SLC47A2: variants seen among roughly 807,000 people sequenced by gnomAD.
The protein encoded by SLC47A2 is solute carrier family 47 member 2, also known as multidrug and toxin extrusion protein 2.
In SLC47A2, 52 loss-of-function variants were observed where a neutral mutation model predicts 67.7. The observed-to-expected ratio is 0.77, with a 90% CI of 0.61 to 0.97. The LOEUF is 0.97. Ranked by LOEUF, SLC47A2 falls within the 50% of genes least tolerant of loss-of-function variation. The pLI is 0.00. For synonymous variants in SLC47A2, 278 were observed against 292.9 expected (o/e 0.95, Z 0.52); for missense variants, 676 against 712.3 (o/e 0.95, Z 0.58).
At chr17:19,716,096 G>A (rs1333561031) in intron 1 of SLC47A2, 2 of 261,158 alleles carry the variant, frequency 7.7e-6, no homozygotes, top group Non-Finnish European at 1.4e-5. Context: ...TCTTCCCCCT[G>A]CGAAGGTGCT....
At chr17:19,689,121 G>T (rs766525743) in intron 13 of SLC47A2, among the ~76,000 whole-genome samples, 1 of 149,152 alleles carries the variant, frequency 6.7e-6, no homozygotes, top group Non-Finnish European at 1.5e-5. Flanking sequence ...TGCCCAGGCT[G>T]GTCTCAAACT....
At position 19,699,546 on chromosome 17, in the gene SLC47A2, C is replaced by T. The variant is rs183543279; in HGVS notation, c.1164+3059G>A. On this transcript the variant is annotated intron_variant, in intron 13 of 16. Coordinates refer to ENST00000433844, the MANE Select transcript of SLC47A2 (RefSeq NM_001099646.3). ...TAGGTGTGTGCCAACCCCGCCTCCC[C>T]GCCGACCCCCTCCCCCAGCTAATTT... 5.1e-3 allele frequency among the ~76,000 whole-genome samples: 767 copies of T among 151,638 alleles called. 8 individuals are homozygous for T. The highest frequency in any genetic ancestry group is 0.018 in the African/African-American group (724 of 41,332).
At chr17:19,681,076 G>C (rs960524336) in intron 15 of SLC47A2, among the ~76,000 whole-genome samples, 6 of 152,182 alleles carry the variant, frequency 3.9e-5, no homozygotes, top group African/African-American at 1.4e-4. Flanking sequence ...AGCTGGGCGT[G>C]GTGGCGGGTG....
chr17:19,681,886 A>G (rs1172266999), intron 13 of SLC47A2, among the ~76,000 whole-genome samples: 1 of 152,076 alleles, frequency 6.6e-6, no homozygotes, highest in Non-Finnish European at 1.5e-5. Context: ...CTGTGTTTTG[A>G]ACACAACCCT....
chr17:19,704,063 C>T lies in SLC47A2; in HGVS notation c.1018+7G>A, dbSNP rs373506226. 6.2e-6 allele frequency: 10 copies of T among 1,600,564 alleles called. No homozygotes were observed. In the South Asian group the frequency reaches 1.1e-4, roughly 18 times the overall value. On this transcript the variant is annotated splice_region_variant and intron_variant, in intron 11 of 16. Coordinates refer to ENST00000433844, the MANE Select transcript of SLC47A2 (RefSeq NM_001099646.3). Reference sequence around the variant, plus strand: ...TTGAAGGCCCACCAGGAGAGGACTCCACCTACCTATGCTGAGCACGCCCGA... The same window carrying T: ...TTGAAGGCCCACCAGGAGAGGACTCTACCTACCTATGCTGAGCACGCCCGA...
rs745361123 is a variant in SLC47A2, at chr17:19,681,386, C to G, written c.1373G>C (p.Trp458Ser). ...ACTTACCTCCTCTGCAGCAAGCTTC[C>G]AGTCCAGCCGGGCAGTATAAGCAAC... Reference protein sequence around the residue: ...AFVAYTARLDWKLAAEEAKKH... With the variant: ...AFVAYTARLDSKLAAEEAKKH... Residue 458 changes from tryptophan (W) to serine (S), a missense_variant, in exon 15 of 17, where the codon TGG (tryptophan) becomes TCG (serine). Trp to Ser is a radical substitution (Grantham distance 177, BLOSUM62 -3). Coordinates refer to ENST00000433844, the MANE Select transcript of SLC47A2 (RefSeq NM_001099646.3). 6.2e-7 allele frequency: 1 copy of G among 1,610,220 alleles called. No homozygotes were observed. The highest frequency in any genetic ancestry group is 1.3e-5 in the African/African-American group (1 of 74,800).
chr17:19,710,620 T>C (rs1052437236), intron 5 of SLC47A2, among the ~76,000 whole-genome samples: 6 of 151,758 alleles, frequency 4.0e-5, no homozygotes, highest in African/African-American at 1.5e-4. Flanking sequence ...GCCCAGCTAA[T>C]TTTTGTATTT....
intron 13 of SLC47A2, among the ~76,000 whole-genome samples, chr17:19,694,060 A>G (rs80256521): frequency 1.3e-5 from 2 of 152,198 alleles, no homozygotes; most frequent in African/African-American, 4.8e-5. Flanking sequence ...TCTTTGGGAT[A>G]AATTTAACAA....
intron 2 of SLC47A2, 84 bp from the exon 3 acceptor site, chr17:19,714,873 G>A: frequency 6.3e-7 from 1 of 1,579,542 alleles, no homozygotes. Context: ...GCCAGGGTCA[G>A]GAAATGCTGC....
chr17:19,693,969 A>G (rs960461672), intron 13 of SLC47A2, among the ~76,000 whole-genome samples: 3 of 152,230 alleles, frequency 2.0e-5, no homozygotes, highest in African/African-American at 7.2e-5. Context: ...CAAAAAATCA[A>G]TTGATTTTTT....
intron 5 of SLC47A2, among the ~76,000 whole-genome samples, chr17:19,709,381 A>G (rs989422282): frequency 6.6e-6 from 1 of 152,166 alleles, no homozygotes; most frequent in African/African-American, 2.4e-5. Context: ...ATAGGCATCA[A>G]CTGAAACCTA....
intron 15 of SLC47A2, 29 bp from the exon 16 acceptor site, chr17:19,680,068 A>C (rs2085280582): frequency 6.2e-7 from 1 of 1,607,492 alleles, no homozygotes; most frequent in Non-Finnish European, 8.5e-7. Context: ...AATTGGGTCA[A>C]CCTGCCAGCT....
In SLC47A2 at chr17:19,707,196, G is replaced by A. The variant is rs188862935; in HGVS notation, c.728-435C>T. 9.3e-3 allele frequency among the ~76,000 whole-genome samples: 1,421 copies of A among 152,270 alleles called. 31 individuals carry two copies. Among genetic ancestry groups the A allele is most frequent in the African/African-American group, 0.033 (1,361 of 41,552 alleles). On this transcript the variant is annotated intron_variant, in intron 8 of 16. Coordinates refer to ENST00000433844, the MANE Select transcript of SLC47A2 (RefSeq NM_001099646.3). ...CAAGCTTGGAAGGGGCTCAGCCAGG[G>A]CCCTGCCCCACATGAGGCCCCAGGG...
At chr17:19,708,827 G>C (rs1010106310) in intron 5 of SLC47A2, 67 bp from the exon 6 acceptor site, 1 of 1,570,756 alleles carries the variant, frequency 6.4e-7, no homozygotes, top group Non-Finnish European at 8.8e-7. Flanking sequence ...AGCATTAACA[G>C]ACATTCCTTT....
chr17:19,715,546 C>A (rs2086231380), intron 1 of SLC47A2, among the ~76,000 whole-genome samples: 1 of 151,916 alleles, frequency 6.6e-6, no homozygotes, highest in Admixed American at 6.5e-5. Context: ...CGCACACCCC[C>A]AAAAAAGGAG....
chr17:19,709,988 G>A (rs1271233886), intron 5 of SLC47A2, among the ~76,000 whole-genome samples: 1 of 149,768 alleles, frequency 6.7e-6, no homozygotes, highest in Admixed American at 6.6e-5. Context: ...CCCCAAAAAG[G>A]TCATGGCACT....
intron 15 of SLC47A2, among the ~76,000 whole-genome samples, chr17:19,680,467 G>C (rs572546132): frequency 2.0e-5 from 3 of 152,142 alleles, no homozygotes; most frequent in African/African-American, 7.2e-5. Flanking sequence ...GCAACAGAGC[G>C]ATACTCCATC....
chr17:19,713,243 C>G (rs987834969), intron 4 of SLC47A2, among the ~76,000 whole-genome samples: 8 of 151,976 alleles, frequency 5.3e-5, no homozygotes, highest in African/African-American at 1.9e-4. Flanking sequence ...CAAAAATTAG[C>G]CTGGTGTGGT....
intron 10 of SLC47A2, 56 bp from the exon 11 acceptor site, chr17:19,704,234 T>G: frequency 2.8e-6 from 4 of 1,449,566 alleles, no homozygotes; most frequent in Non-Finnish European, 3.8e-6. Context: ...ACCCCTGAAG[T>G]CCTGAGCCAG....
Sources: gnomAD v4.1 joint callset for allele counts (sites outside exome capture counted in the v4.1 genomes callset) on GRCh38, gnomAD v4.1.1 for gene constraint, MANE v1.5 for transcripts, NCBI Gene and HGNC (gene_info 2026-07-23, HGNC 2026-07-21) for gene names.